The following KIAA1958 variants were observed in gnomAD, a reference collection of about 807,000 sequenced individuals.
KIAA1958 encodes the protein KIAA1958, also known as uncharacterized protein KIAA1958.
A neutral mutation model predicts 47.2 loss-of-function variants in KIAA1958; 14 were observed. The observed-to-expected ratio is 0.30, with a 90% CI of 0.20 to 0.46. The LOEUF is 0.46. Among genes scored for constraint, KIAA1958 ranks in the 20% least tolerant of loss-of-function variants. The pLI is 1.00. For missense variants in KIAA1958, 803 were observed against 909.2 expected, an observed-to-expected ratio of 0.88 and a Z score of 1.50; for synonymous variants, 354 against 353.3, an observed-to-expected ratio of 1.00 and a Z score of -0.02.
intron 2 of KIAA1958, among the ~76,000 whole-genome samples, chr9:112,625,528 GGT>G (rs143134637): frequency 0.017 from 2,562 of 152,240 alleles, 72 homozygotes; most frequent in African/African-American, 0.058. Flanking sequence ...ACCCTGTTAG[GGT>G]GTGAGCTTTC....
At chr9:112,640,792 T>G (rs1215095577) in intron 2 of KIAA1958, among the ~76,000 whole-genome samples, 1 of 152,196 alleles carries the variant, frequency 6.6e-6, no homozygotes, top group Non-Finnish European at 1.5e-5. Flanking sequence ...AAGAAGAGTA[T>G]AATACCAGCG....
At chr9:112,512,983 G>T (rs563496699) in intron 1 of KIAA1958, among the ~76,000 whole-genome samples, 1 of 145,196 alleles carries the variant, frequency 6.9e-6, no homozygotes, top group Non-Finnish European at 1.5e-5. Context: ...GATTACAGGC[G>T]CCCGCCACCA....
intron 1 of KIAA1958, among the ~76,000 whole-genome samples, chr9:112,490,165 A>T (rs1185481977): frequency 2.0e-5 from 3 of 152,206 alleles, no homozygotes; most frequent in Non-Finnish European, 4.4e-5. Flanking sequence ...CTGGTACCAG[A>T]TGTATGAGGC....
At chr9:112,576,101 G>A (rs574082351) in intron 2 of KIAA1958, among the ~76,000 whole-genome samples, 1 of 152,280 alleles carries the variant, frequency 6.6e-6, no homozygotes, top group East Asian at 1.9e-4. Context: ...TGTATTTTGG[G>A]AAAAGCTTCC....
At chr9:112,646,851 T>C (rs925620529) in intron 3 of KIAA1958, among the ~76,000 whole-genome samples, 1 of 152,192 alleles carries the variant, frequency 6.6e-6, no homozygotes, top group African/African-American at 2.4e-5. Context: ...AACATAAAGG[T>C]ACTGTATTTT....
intron 2 of KIAA1958, among the ~76,000 whole-genome samples, chr9:112,581,610 T>A (rs1256402030): frequency 6.6e-6 from 1 of 152,186 alleles, no homozygotes; most frequent in East Asian, 1.9e-4. Context: ...GAGCCTTATT[T>A]CCCTCACTCA....
Position 112,613,156 on chromosome 9 carries a change from G to A in KIAA1958, c.1172-32494G>A, listed in dbSNP as rs182201368. Among the ~76,000 whole-genome samples the A allele has an allele frequency of 1.6e-4, 25 of 152,270 alleles. No individual in the cohort carries two copies. The East Asian group carries it at 4.2e-3, about 26-fold the overall frequency. On this transcript the variant is annotated intron_variant, in intron 2 of 3. Coordinates refer to ENST00000337530, the MANE Select transcript of KIAA1958 (RefSeq NM_133465.4). ...TAACAAAGGGTTGAGATGAGCAGGT[G>A]CCTTACTTTTACTCTATACCCATTT... is the stretch of plus-strand genomic sequence containing the variant.
intron 1 of KIAA1958, among the ~76,000 whole-genome samples, chr9:112,541,415 G>C (rs368979321): frequency 7.9e-5 from 12 of 152,060 alleles, no homozygotes; most frequent in African/African-American, 2.7e-4. Flanking sequence ...CCCAAAGGTA[G>C]AGGGTGATAA....
At chr9:112,579,268 C>T (rs914389157) in intron 2 of KIAA1958, among the ~76,000 whole-genome samples, 15 of 152,036 alleles carry the variant, frequency 9.9e-5, no homozygotes, top group Non-Finnish European at 1.6e-4. Context: ...CAACATCTAT[C>T]AGTCAATCAA....
At position 112,665,097 on chromosome 9, in the gene KIAA1958, C is replaced by CA. The variant is rs1304247952; in HGVS notation, c.*5035dup. ...TATTTCAGGAAATACATAATAAGACCAAAAAAATCACTGGATAATATGTAG... is the reference window on the plus strand; with the variant it reads ...TATTTCAGGAAATACATAATAAGACCAAAAAAAATCACTGGATAATATGTAG... On this transcript the variant is annotated 3_prime_UTR_variant, in exon 4 of 4. Transcript: ENST00000337530. The CA allele has an allele frequency of 3.3e-5, 5 of 151,686 alleles. No homozygotes were observed. Among genetic ancestry groups the CA allele is most frequent in the Non-Finnish European group, 7.4e-5 (5 of 67,934 alleles). 9.4% of individuals were successfully genotyped at this position (151,686 alleles called of 1,614,324 possible).
rs151125751 is a variant in KIAA1958, at chr9:112,597,987, C to T, written c.1171+22736C>T. 5.8e-3 allele frequency among the ~76,000 whole-genome samples: 877 copies of T among 152,260 alleles called. 13 individuals are homozygous for T. The highest frequency in any genetic ancestry group is 0.02 in the African/African-American group (844 of 41,546). ...CTTGCATTCTAGTCTGGGCTCCTCA[C>T]AGAGCTTACTTAATGTTATAGACGT... On this transcript the variant is annotated intron_variant, in intron 2 of 3. Coordinates refer to ENST00000337530, the MANE Select transcript of KIAA1958 (RefSeq NM_133465.4).
intron 1 of KIAA1958, among the ~76,000 whole-genome samples, chr9:112,530,434 T>G (rs778020886): frequency 3.3e-5 from 5 of 152,184 alleles, no homozygotes; most frequent in Admixed American, 1.3e-4. Flanking sequence ...TTTGAAAATA[T>G]AAATAATTTT....
intron 1 of KIAA1958, among the ~76,000 whole-genome samples, chr9:112,547,123 T>G (rs1835051081): frequency 6.6e-6 from 1 of 151,562 alleles, no homozygotes. Context: ...ACTCCTGTAA[T>G]CCCAGCATTT....
intron 2 of KIAA1958, among the ~76,000 whole-genome samples, chr9:112,622,192 A>T (rs1836521218): frequency 1.3e-5 from 2 of 152,254 alleles, no homozygotes; most frequent in African/African-American, 4.8e-5. Context: ...TTGCATATAT[A>T]CTTTAGCAAA....
At chr9:112,537,440 A>G (rs1834875630) in intron 1 of KIAA1958, among the ~76,000 whole-genome samples, 1 of 152,242 alleles carries the variant, frequency 6.6e-6, no homozygotes, top group South Asian at 2.1e-4. Context: ...TAAAGCGTTC[A>G]TATCTAGAAT....
At chr9:112,554,555 G>T (rs1352036644) in intron 1 of KIAA1958, among the ~76,000 whole-genome samples, 2 of 151,950 alleles carry the variant, frequency 1.3e-5, no homozygotes, top group African/African-American at 4.8e-5. Flanking sequence ...AAAAGTAAAG[G>T]ATTGGTTAAT....
At chr9:112,502,959 C>A (rs1227113598) in intron 1 of KIAA1958, among the ~76,000 whole-genome samples, 1 of 152,120 alleles carries the variant, frequency 6.6e-6, no homozygotes, top group African/African-American at 2.4e-5. Context: ...GACTGTTTAA[C>A]CAACAAATAT....
chr9:112,594,619 C>A (rs1835985178), intron 2 of KIAA1958, among the ~76,000 whole-genome samples: 1 of 152,190 alleles, frequency 6.6e-6, no homozygotes, highest in African/African-American at 2.4e-5. Context: ...TTTGTTTATC[C>A]ATTCAGGAAG....
chr9:112,640,186 TAGCC>T (rs1399547570), intron 2 of KIAA1958, among the ~76,000 whole-genome samples: 6 of 152,234 alleles, frequency 3.9e-5, no homozygotes, highest in African/African-American at 1.4e-4. Context: ...AAAGTTCTGC[TAGCC>T]AGCACGTAAG....
Sources: allele counts gnomAD v4.1 joint callset (sites outside exome capture counted in the v4.1 genomes callset), GRCh38; gene constraint gnomAD v4.1.1; transcripts MANE v1.5; gene names NCBI Gene and HGNC (gene_info 2026-07-23, HGNC 2026-07-21).